EDRF1: variants seen among roughly 807,000 people sequenced by gnomAD.
EDRF1 encodes the protein erythroid differentiation-related factor 1.
EDRF1 carries 69 observed loss-of-function variants against 148.7 expected under a neutral mutation model. The ratio of observed to expected loss-of-function variants is 0.46; its 90% CI spans 0.38 to 0.57. The LOEUF (loss-of-function observed/expected upper bound fraction) is 0.57. EDRF1 is among the 20% of genes least tolerant of loss of function. The pLI is 0.00. For synonymous variants in EDRF1, 515 were observed against 532.8 expected, an observed-to-expected ratio of 0.97 and a Z score of 0.46; for missense variants, 1,118 against 1,478.7, an observed-to-expected ratio of 0.76 and a Z score of 4.00.
chr10:125,747,918 A>T lies in EDRF1; in HGVS notation c.3029A>T (p.Asp1010Val). 1 of 1,614,184 alleles carries T rather than the reference A, an allele frequency of 6.2e-7. No homozygotes were observed. The highest frequency in any genetic ancestry group is 8.5e-7 in the Non-Finnish European group (1 of 1,180,014). The change falls in exon 21 of 25, where the codon GAT (aspartate) becomes GTT (valine). Residue 1010 changes from aspartate (D) to valine (V), a missense_variant. Physicochemically the swap from Asp to Val is radical, Grantham distance 152. Coordinates refer to ENST00000356792, the MANE Select transcript of EDRF1 (RefSeq NM_001202438.2). ...AAGTCCCTAAAATACTGCGATGTGG[A>T]TTCAGTGTCTGCTCGACAGCCCCTT... ...MMKSLKYCDV[D>V]SVSARQPLCQ...
rs746185983 is a variant in EDRF1, at chr10:125,733,739, T to C, written c.1381T>C (p.Tyr461His). 5.0e-6 allele frequency: 8 copies of C among 1,610,044 alleles called. No homozygotes were observed. In the South Asian group the frequency reaches 8.8e-5, roughly 18 times the overall value. Residue 461 changes from tyrosine to histidine, a missense_variant, in exon 11 of 25, where the codon TAC becomes CAC. Transcript: ENST00000356792. ...PFTMPVAILL[Y>H]KVACNMMMKK... ...CACAATGCCGGTAGCCATTCTCTTG[T>C]ACAAGTGAGTGCTTTAAGAATTTAA...
At chr10:125,721,034 A>C (rs977722697) in intron 1 of EDRF1, among the ~76,000 whole-genome samples, 170 bp from the exon 2 acceptor site, 2 of 152,168 alleles carry the variant, frequency 1.3e-5, no homozygotes, top group African/African-American at 4.8e-5. Context: ...GGTGTAAAAG[A>C]ACTAAGTAAA....
In EDRF1 at chr10:125,741,022, C is replaced by T; in HGVS notation, c.2192C>T (p.Thr731Ile). 6.2e-7 allele frequency: 1 copy of T among 1,614,022 alleles called. No individual in the cohort carries two copies. The highest frequency in any genetic ancestry group is 8.5e-7 in the Non-Finnish European group (1 of 1,180,024). ...ACAGATACTTATTGCTGCCTCTGCA[C>T]CAATATGCTTTCCGAAGTGCTGTTG... is the stretch of plus-strand genomic sequence containing the variant. ...QSHDTYCCLC[T>I]NMLSEVLLFL... Residue 731 changes from threonine (T) to isoleucine (I), a missense_variant, in exon 17 of 25, where the codon ACC becomes ATC. Physicochemically the swap from Thr to Ile is moderately conservative, Grantham distance 89. This residue lies in a region of EDRF1 where 954 missense variants were observed against 1,241.4 expected (regional missense o/e 0.77). Transcript: ENST00000356792.
intron 24 of EDRF1, among the ~76,000 whole-genome samples, chr10:125,755,069 C>A (rs1030885919): frequency 2.6e-5 from 4 of 152,208 alleles, no homozygotes; most frequent in Admixed American, 6.5e-5. Flanking sequence ...GCCCCTGCCC[C>A]CAATTCCTCA....
intron 22 of EDRF1, chr10:125,752,190 A>G (rs564523032): frequency 8.5e-5 from 13 of 153,260 alleles, no homozygotes; most frequent in African/African-American, 2.9e-4. Context: ...CGGGCAGGAC[A>G]TTTCAAGGAC....
intron 22 of EDRF1, 110 bp downstream of exon 22, chr10:125,749,675 GC>G: frequency 7.4e-7 from 1 of 1,342,472 alleles, no homozygotes; most frequent in Non-Finnish European, 1.0e-6. Flanking sequence ...TTTTTAATTT[GC>G]CCCATAGTTA....
At position 125,729,089 on chromosome 10, in the gene EDRF1, C is replaced by T. The variant is rs368123992; in HGVS notation, c.879C>T (p.Asp293=). The change falls in exon 7 of 25, where the codon GAC becomes GAT. Residue 293 remains aspartate (D), a synonymous_variant. Coordinates refer to ENST00000356792, the MANE Select transcript of EDRF1 (RefSeq NM_001202438.2). ...AAAACCTGATTACTTTATTCAATGA[C>T]GGGGAGCACAGTCAGGTATGCTTTC... ...KEQNLITLFN[D]GEHSQGLKND... The T allele has an allele frequency of 3.4e-5, 54 of 1,568,446 alleles. No homozygotes were observed. Among genetic ancestry groups the T allele is most frequent in the South Asian group, 2.3e-4 (20 of 86,606 alleles).
intron 1 of EDRF1, 82 bp downstream of exon 1, chr10:125,719,997 G>A: frequency 1.5e-6 from 2 of 1,302,308 alleles, no homozygotes; most frequent in Non-Finnish European, 1.1e-6. Context: ...CACGGTTCCC[G>A]GCAGATTCTG....
chr10:125,759,545 A>T (rs1000511762), intron 24 of EDRF1, among the ~76,000 whole-genome samples: 4 of 152,040 alleles, frequency 2.6e-5, no homozygotes, highest in Non-Finnish European at 5.9e-5. Context: ...GGAGAATTAC[A>T]TGAACCCAGG....
At position 125,719,743 on chromosome 10, in the gene EDRF1, T is replaced by A. The variant is rs61741141; in HGVS notation, c.-65T>A. 517 of 1,347,774 alleles carry A rather than the reference T, an allele frequency of 3.8e-4. No individual in the cohort carries two copies. The African/African-American group carries it at 6.8e-3, about 18-fold the overall frequency. 83.5% of individuals were successfully genotyped at this position (1,347,774 alleles called of 1,614,324 possible). The stretch of plus-strand genomic sequence containing the variant: ...AGCGTCTCTGGCGCTTACCCTGCTT[T>A]GGGCCTGCGTTGCTGCTGCTGCTCC... On this transcript the variant is annotated 5_prime_UTR_variant, in exon 1 of 25. Transcript: ENST00000356792.
chr10:125,723,280 CT>C, intron 3 of EDRF1, 146 bp downstream of exon 3: 1 of 775,650 alleles, frequency 1.3e-6, no homozygotes, highest in Non-Finnish European at 2.3e-6. Context: ...TATTGAGTAT[CT>C]TTTTTGTTGT....
At chr10:125,756,357 T>TGATA in intron 24 of EDRF1, among the ~76,000 whole-genome samples, 1 of 152,230 alleles carries the variant, frequency 6.6e-6, no homozygotes, top group African/African-American at 2.4e-5. Context: ...GCCTAGAATA[T>TGATA]GGTTTATCTT....
At chr10:125,759,774 A>G (rs1291902092) in intron 24 of EDRF1, among the ~76,000 whole-genome samples, 2 of 151,798 alleles carry the variant, frequency 1.3e-5, no homozygotes, top group Non-Finnish European at 2.9e-5. Flanking sequence ...GCAGTGGCGC[A>G]ATCTCGGCTC....
At chr10:125,721,584 A>G (rs999891746) in intron 2 of EDRF1, among the ~76,000 whole-genome samples, 172 bp downstream of exon 2, 1 of 152,260 alleles carries the variant, frequency 6.6e-6, no homozygotes, top group East Asian at 1.9e-4. Context: ...ATGTTAAAAC[A>G]TGAAGATATA....
chr10:125,734,240 G>C, intron 12 of EDRF1, 57 bp downstream of exon 12: 1 of 1,327,156 alleles, frequency 7.5e-7, no homozygotes, highest in South Asian at 1.2e-5. Context: ...ATAGGAGATT[G>C]TTACCTAGAC....
chr10:125,737,249 A>G (rs1363105738), intron 13 of EDRF1, among the ~76,000 whole-genome samples: 1 of 152,198 alleles, frequency 6.6e-6, no homozygotes, highest in Non-Finnish European at 1.5e-5. Flanking sequence ...TTTTTCACAG[A>G]TAGCACTTTC....
At chr10:125,739,053 T>C (rs1848879183) in intron 15 of EDRF1, among the ~76,000 whole-genome samples, 1 of 152,216 alleles carries the variant, frequency 6.6e-6, no homozygotes. Flanking sequence ...GAATTTCTTA[T>C]TTTAACCTAA....
At position 125,721,369 on chromosome 10, in the gene EDRF1, A is replaced by G. The variant is rs1400026495; in HGVS notation, c.274A>G (p.Thr92Ala). 9.3e-6 allele frequency: 15 copies of G among 1,614,216 alleles called. No individual in the cohort carries two copies. The highest frequency in any genetic ancestry group is 2.2e-5 in the East Asian group (1 of 44,886). ...GAGTGCCAAACTAGGGCCAGCAGGA[A>G]CTACCATTCTTGGCAACAGCAAGAA... Reference protein sequence around the residue: ...RESAKLGPAGTTILGNSKKSK... With the variant: ...RESAKLGPAGATILGNSKKSK... The change falls in exon 2 of 25, where the codon ACT becomes GCT. Residue 92 changes from threonine (T) to alanine (A), a missense_variant. Thr to Ala is a moderately conservative substitution (Grantham distance 58, BLOSUM62 0). Transcript: ENST00000356792.
chr10:125,746,224 A>G (rs1447924439), intron 19 of EDRF1, among the ~76,000 whole-genome samples: 1 of 152,256 alleles, frequency 6.6e-6, no homozygotes, highest in African/African-American at 2.4e-5. Context: ...CTGTAAAAGT[A>G]TTAGAAGAAA....
Sources: allele counts gnomAD v4.1 joint callset (sites outside exome capture counted in the v4.1 genomes callset), GRCh38; gene constraint gnomAD v4.1.1; regional missense constraint gnomAD v4.1.1; transcripts MANE v1.5; gene names NCBI Gene and HGNC (gene_info 2026-07-23, HGNC 2026-07-21).